SFMBT1: variants seen among roughly 807,000 people sequenced by gnomAD.
SFMBT1 encodes scm-like with four MBT domains protein 1.
In SFMBT1, 32 loss-of-function variants were observed where a neutral mutation model predicts 108.7. The observed-to-expected ratio is 0.29, with a 90% CI of 0.22 to 0.40. The LOEUF is 0.40. Among genes scored for constraint, SFMBT1 ranks in the 10% least tolerant of loss-of-function variants. The probability of loss-of-function intolerance (pLI) is 1.00; values close to 1 mark genes in which losing one functional copy is unlikely to be tolerated. For missense variants in SFMBT1, 816 were observed against 1,059.6 expected (o/e 0.77, Z 3.19); for synonymous variants, 348 against 369.5 (o/e 0.94, Z 0.67).
chr3:53,005,184 A>G (rs563205825), intron 1 of SFMBT1, among the ~76,000 whole-genome samples: 1 of 152,348 alleles, frequency 6.6e-6, no homozygotes, highest in South Asian at 2.1e-4. Context: ...GTACACTTTG[A>G]GAGCATGTCA....
chr3:52,920,699 A>T, intron 11 of SFMBT1, 49 bp from the exon 12 acceptor site: 1 of 1,173,494 alleles, frequency 8.5e-7, no homozygotes, highest in Non-Finnish European at 1.3e-6. Context: ...ACCTTTTTTT[A>T]GACCATTAAA....
At chr3:52,961,250 CAG>C (rs771348173) in intron 2 of SFMBT1, among the ~76,000 whole-genome samples, 7 of 152,066 alleles carry the variant, frequency 4.6e-5, no homozygotes, top group Non-Finnish European at 1.0e-4. Context: ...TTCATAGAAA[CAG>C]AAAATTAAAT....
intron 1 of SFMBT1, among the ~76,000 whole-genome samples, chr3:53,017,550 C>T (rs968760490): frequency 6.6e-6 from 1 of 152,146 alleles, no homozygotes; most frequent in Admixed American, 6.5e-5. Flanking sequence ...AAGTCTTACA[C>T]AGTTAGTAAA....
At chr3:53,043,690 A>T (rs1292279072) in intron 1 of SFMBT1, among the ~76,000 whole-genome samples, 1 of 152,256 alleles carries the variant, frequency 6.6e-6, no homozygotes, top group Non-Finnish European at 1.5e-5. Context: ...TACCAATCGT[A>T]ACCTGCAAAG....
intron 3 of SFMBT1, among the ~76,000 whole-genome samples, chr3:52,945,727 A>G (rs1312425471): frequency 6.6e-6 from 1 of 151,936 alleles, no homozygotes; most frequent in Non-Finnish European, 1.5e-5. Flanking sequence ...GAATGGCATG[A>G]ACCCGGGAGG....
intron 1 of SFMBT1, among the ~76,000 whole-genome samples, chr3:53,010,443 CT>C (rs1304094117): frequency 6.6e-6 from 1 of 152,190 alleles, no homozygotes; most frequent in Non-Finnish European, 1.5e-5. Flanking sequence ...TGACTGAACC[CT>C]CTGTGGGGCT....
chr3:53,031,141 T>A (rs1005155418), intron 1 of SFMBT1, among the ~76,000 whole-genome samples: 2 of 152,160 alleles, frequency 1.3e-5, no homozygotes, highest in Non-Finnish European at 2.9e-5. Flanking sequence ...TCATCAGCAA[T>A]CCCACATTAA....
chr3:52,955,685 T>C (rs1703755877), intron 2 of SFMBT1, among the ~76,000 whole-genome samples: 1 of 152,022 alleles, frequency 6.6e-6, no homozygotes, highest in Admixed American at 6.6e-5. Flanking sequence ...AGACCAATAA[T>C]GAGTTCTCAA....
chr3:53,012,412 T>C (rs1698974688), intron 1 of SFMBT1, among the ~76,000 whole-genome samples: 1 of 152,028 alleles, frequency 6.6e-6, no homozygotes, highest in South Asian at 2.1e-4. Flanking sequence ...TCTTTTTTTT[T>C]TTTTTCCCGA....
intron 1 of SFMBT1, among the ~76,000 whole-genome samples, chr3:52,971,311 G>A (rs978135671): frequency 1.3e-5 from 2 of 152,038 alleles, no homozygotes; most frequent in South Asian, 2.1e-4. Flanking sequence ...CGTAGAAAAC[G>A]TTTTGATAAC....
At chr3:52,989,618 G>A (rs1705051386) in intron 1 of SFMBT1, among the ~76,000 whole-genome samples, 1 of 151,780 alleles carries the variant, frequency 6.6e-6, no homozygotes, top group Non-Finnish European at 1.5e-5. Flanking sequence ...GGCTAACACG[G>A]CGAAATGCTG....
At chr3:52,941,963 G>A (rs1409158912) in intron 4 of SFMBT1, among the ~76,000 whole-genome samples, 1 of 152,136 alleles carries the variant, frequency 6.6e-6, no homozygotes, top group Non-Finnish European at 1.5e-5. Flanking sequence ...AACTGAATAA[G>A]GCCCAGGCAT....
chr3:52,940,805 C>T (rs915673260), intron 4 of SFMBT1, among the ~76,000 whole-genome samples: 6 of 152,166 alleles, frequency 3.9e-5, no homozygotes, highest in Non-Finnish European at 8.8e-5. Context: ...GATGAAAAAA[C>T]TTGGCATATA....
chr3:53,019,708 G>A (rs1019081431), intron 1 of SFMBT1, among the ~76,000 whole-genome samples: 1 of 152,114 alleles, frequency 6.6e-6, no homozygotes, highest in Non-Finnish European at 1.5e-5. Context: ...ATGCCACCTA[G>A]ACTATTGCAG....
intron 2 of SFMBT1, among the ~76,000 whole-genome samples, chr3:52,958,061 T>C (rs140892466): frequency 2.8e-4 from 42 of 152,278 alleles, no homozygotes; most frequent in African/African-American, 9.6e-4. Context: ...AATCTCTCCA[T>C]CTGACAAAGG....
At chr3:52,926,858 G>A (rs1230493341) in intron 9 of SFMBT1, among the ~76,000 whole-genome samples, 1 of 151,976 alleles carries the variant, frequency 6.6e-6, no homozygotes, top group Non-Finnish European at 1.5e-5. Context: ...AAAAAAATAG[G>A]CTACTCAAGT....
intron 2 of SFMBT1, among the ~76,000 whole-genome samples, chr3:52,956,105 C>T (rs1009860050): frequency 6.6e-6 from 1 of 152,148 alleles, no homozygotes; most frequent in African/African-American, 2.4e-5. Context: ...AGATAAAAAC[C>T]ACATGATTAT....
chr3:52,935,451 G>C (rs1007897717), intron 4 of SFMBT1, among the ~76,000 whole-genome samples: 2 of 152,182 alleles, frequency 1.3e-5, no homozygotes, highest in East Asian at 3.8e-4. Context: ...GAGATTGTAT[G>C]ACTAGTAAAG....
intron 1 of SFMBT1, among the ~76,000 whole-genome samples, chr3:53,036,580 T>C (rs1013236499): frequency 6.6e-6 from 1 of 152,206 alleles, no homozygotes; most frequent in Non-Finnish European, 1.5e-5. Context: ...TTTGGACCTG[T>C]GGATTCTGAG....
Sources: allele counts gnomAD v4.1 joint callset (sites outside exome capture counted in the v4.1 genomes callset), GRCh38; gene constraint gnomAD v4.1.1; transcripts MANE v1.5; gene names NCBI Gene and HGNC (gene_info 2026-07-23, HGNC 2026-07-21).